SCYL2: variants seen among roughly 807,000 people sequenced by gnomAD.
The protein encoded by SCYL2 is SCY1-like protein 2.
In SCYL2, 36 loss-of-function variants were observed where a neutral mutation model predicts 100.4. The observed-to-expected ratio is 0.36, with a 90% confidence interval of 0.27 to 0.47. The LOEUF (loss-of-function observed/expected upper bound fraction) is 0.47. Among genes scored for constraint, SCYL2 ranks in the 20% least tolerant of loss-of-function variants. The pLI is 1.00. For missense variants in SCYL2, 902 were observed against 1,083.9 expected, an observed-to-expected ratio of 0.83 and a Z score of 2.36; for synonymous variants, 330 against 359.2, an observed-to-expected ratio of 0.92 and a Z score of 0.92.
chr12:100,319,261 C>T, intron 10 of SCYL2: 1 of 455,836 alleles, frequency 2.2e-6, no homozygotes, highest in Non-Finnish European at 4.4e-6. Context: ...CTGCCTTTGT[C>T]CAAATGACAT....
chr12:100,324,463 G>A (rs913147719), intron 11 of SCYL2, among the ~76,000 whole-genome samples: 3 of 152,040 alleles, frequency 2.0e-5, no homozygotes, highest in Non-Finnish European at 2.9e-5. Context: ...TGGAGATCCC[G>A]TCTTTATCTG....
In SCYL2 at chr12:100,340,612, TA is replaced by T. The variant is rs1952340865; in HGVS notation, c.*1441del. The T allele has an allele frequency of 6.6e-6, 1 of 152,086 alleles. No individual in the cohort carries two copies. Among genetic ancestry groups the T allele is most frequent in the South Asian group, 2.1e-4 (1 of 4,836 alleles). The allele number at this position is 152,086 out of a possible 1,614,324, so 9.4% of individuals were successfully genotyped here. On this transcript the variant is annotated 3_prime_UTR_variant, in exon 18 of 18. Transcript: ENST00000360820. Reference sequence around the variant, plus strand: ...ATATTCATTGAAAATATATACACAATATATGTAATACACAGCACTTGATTAC... The same window carrying T: ...ATATTCATTGAAAATATATACACAATTATGTAATACACAGCACTTGATTAC...
chr12:100,276,432 A>C (rs1036658596), intron 1 of SCYL2, among the ~76,000 whole-genome samples: 3 of 152,094 alleles, frequency 2.0e-5, no homozygotes, highest in Non-Finnish European at 2.9e-5. Flanking sequence ...TCCCAGGCTT[A>C]AGCAATACTT....
rs79567874 is a variant in SCYL2 at position 100,292,850 on chromosome 12, C to G, written c.335+1190C>G. Among the ~76,000 whole-genome samples, 763 of 152,300 alleles carry G rather than the reference C, an allele frequency of 5.0e-3. 12 individuals are homozygous for G. The highest frequency in any genetic ancestry group is 0.017 in the African/African-American group (724 of 41,562). On this transcript the variant is annotated intron_variant, in intron 3 of 17. Transcript: ENST00000360820. ...TTGATTGATCGAGACAAGAGTCTCA[C>G]TCTGTTGCCCAAGCTGGATTACAGT...
intron 11 of SCYL2, among the ~76,000 whole-genome samples, chr12:100,325,450 C>T (rs554648448): frequency 6.6e-6 from 1 of 152,144 alleles, no homozygotes; most frequent in African/African-American, 2.4e-5. Flanking sequence ...TTATATGTCA[C>T]CTTTTAAGTG....
intron 4 of SCYL2, among the ~76,000 whole-genome samples, chr12:100,309,830 T>C (rs2096339922): frequency 6.6e-6 from 1 of 152,170 alleles, no homozygotes; most frequent in Non-Finnish European, 1.5e-5. Context: ...TGATTCTATT[T>C]TTGGGGGGAA....
intron 2 of SCYL2, among the ~76,000 whole-genome samples, chr12:100,287,143 T>G (rs986565055): frequency 2.6e-5 from 4 of 152,192 alleles, no homozygotes; most frequent in African/African-American, 9.7e-5. Context: ...GTTAGATTAG[T>G]GGAGGTCATG....
intron 10 of SCYL2, among the ~76,000 whole-genome samples, chr12:100,322,083 A>G (rs1332562912): frequency 6.6e-6 from 1 of 150,638 alleles, no homozygotes; most frequent in Admixed American, 6.6e-5. Flanking sequence ...CAAGAAAACT[A>G]AAAAAAGGGC....
intron 1 of SCYL2, among the ~76,000 whole-genome samples, chr12:100,270,798 T>A (rs923140602): frequency 6.6e-6 from 1 of 152,076 alleles, no homozygotes; most frequent in African/African-American, 2.4e-5. Flanking sequence ...TTAAATCTTA[T>A]TGTACAGTGG....
At chr12:100,285,326 A>G (rs565717059) in intron 2 of SCYL2, among the ~76,000 whole-genome samples, 60 of 152,288 alleles carry the variant, frequency 3.9e-4, no homozygotes, top group Non-Finnish European at 6.8e-4. Flanking sequence ...CTTTTCCTTA[A>G]TAGTATATGG....
chr12:100,327,299 G>T, intron 12 of SCYL2: 1 of 221,706 alleles, frequency 4.5e-6, no homozygotes, highest in South Asian at 5.2e-5. Flanking sequence ...GTGGCTAAGT[G>T]ATATGCTGAT....
intron 4 of SCYL2, among the ~76,000 whole-genome samples, chr12:100,306,015 T>C (rs1258682594): frequency 6.6e-6 from 1 of 152,090 alleles, no homozygotes; most frequent in African/African-American, 2.4e-5. Flanking sequence ...TAGTAATTAA[T>C]AGCCTACGAA....
At chr12:100,329,159 A>T (rs906298306) in intron 12 of SCYL2, 42 bp from the exon 13 acceptor site, 2 of 905,910 alleles carry the variant, frequency 2.2e-6, no homozygotes, top group Non-Finnish European at 3.7e-6. Flanking sequence ...CTATGAATTT[A>T]TGGTGTTAAC....
At chr12:100,279,143 A>G (rs117728182) in intron 1 of SCYL2, among the ~76,000 whole-genome samples, 1,556 of 152,252 alleles carry the variant, frequency 0.01, 22 homozygotes, top group Non-Finnish European at 0.012. Context: ...GGATTCGTGG[A>G]AGACAGTTTT....
intron 4 of SCYL2, among the ~76,000 whole-genome samples, chr12:100,304,659 C>G (rs977407233): frequency 6.6e-6 from 1 of 152,108 alleles, no homozygotes; most frequent in South Asian, 2.1e-4. Flanking sequence ...CAATATTAAC[C>G]TTAAATGTAA....
intron 4 of SCYL2, among the ~76,000 whole-genome samples, chr12:100,307,695 A>G (rs1010392816): frequency 1.3e-5 from 2 of 152,118 alleles, no homozygotes; most frequent in African/African-American, 4.8e-5. Context: ...ACTATCATCA[A>G]AGTGAACAGG....
rs149296666 is a variant in SCYL2 at position 100,274,849 on chromosome 12, A to G, written c.-29+7057A>G. Among the ~76,000 whole-genome samples, 333 of 152,360 alleles carry G rather than the reference A, an allele frequency of 2.2e-3. 1 individual carries two copies. Among genetic ancestry groups the G allele is most frequent in the African/African-American group, 7.5e-3 (312 of 41,594 alleles). ...GGGCTTTAAAACCTTGGTTTGTGCCATAGACCCTTTTGACAATTTAGTAAA... is the reference window on the plus strand; with the variant it reads ...GGGCTTTAAAACCTTGGTTTGTGCCGTAGACCCTTTTGACAATTTAGTAAA... On this transcript the variant is annotated intron_variant, in intron 1 of 17. Transcript: ENST00000360820.
intron 1 of SCYL2, among the ~76,000 whole-genome samples, chr12:100,280,524 G>T (rs934339677): frequency 1.3e-5 from 2 of 152,052 alleles, no homozygotes; most frequent in African/African-American, 4.8e-5. Flanking sequence ...TTTGAAGAAA[G>T]CTTCCTTTAA....
intron 3 of SCYL2, among the ~76,000 whole-genome samples, chr12:100,294,398 C>A (rs2096315021): frequency 8.5e-6 from 1 of 117,766 alleles, no homozygotes; most frequent in Non-Finnish European, 1.8e-5. Flanking sequence ...CCCCCCACCT[C>A]CCTCCCGGAC....
Sources: gnomAD v4.1 joint callset for allele counts (sites outside exome capture counted in the v4.1 genomes callset) on GRCh38, gnomAD v4.1.1 for gene constraint, MANE v1.5 for transcripts, NCBI Gene and HGNC (gene_info 2026-07-23, HGNC 2026-07-21) for gene names.